Variants in SLIT2 observed in about 807,000 individuals in gnomAD.
SLIT2 encodes the protein slit guidance ligand 2.
Under a neutral mutation model 185.7 loss-of-function variants are expected in SLIT2, and 41 were observed. That is an observed-to-expected ratio of 0.22 (90% CI 0.17 to 0.29). The LOEUF (loss-of-function observed/expected upper bound fraction) is 0.29, where lower values mean the gene tolerates loss of function less well. Among genes scored for constraint, SLIT2 ranks in the 10% least tolerant of loss-of-function variants. The probability of loss-of-function intolerance (pLI) is 1.00; values close to 1 mark genes in which losing one functional copy is unlikely to be tolerated. For synonymous variants in SLIT2, 693 were observed against 680.2 expected (o/e 1.02, Z -0.29); for missense variants, 1,571 against 1,909.0 (o/e 0.82, Z 3.30).
chr4:20,480,776 C>G lies in SLIT2; in HGVS notation c.528C>G (p.Asp176Glu), dbSNP rs747850472. ...ATGGGGCATTCAGGGCTCTCCGGGA[C>G]CTGGAAGTGCTGTAAGTACTGCTAT... ...IEDGAFRALR[D>E]LEVLTLNNNN... The change falls in exon 6 of 37, where the codon GAC becomes GAG. Residue 176 changes from aspartate (D) to glutamate (E), a missense_variant. By Grantham distance (45) the Asp-to-Glu change is conservative. Coordinates refer to ENST00000504154, the MANE Select transcript of SLIT2 (RefSeq NM_004787.4). 13 of 1,611,862 alleles carry G rather than the reference C, an allele frequency of 8.1e-6. No homozygotes were observed. In the South Asian group the frequency reaches 1.1e-4, roughly 14 times the overall value.
At chr4:20,256,322 G>GGGGGC (rs201542345) in intron 1 of SLIT2, among the ~76,000 whole-genome samples, 48 of 150,308 alleles carry the variant, frequency 3.2e-4, no homozygotes, top group African/African-American at 1.1e-3. Flanking sequence ...TTTTTGGGGG[G>GGGGGC]GGTGCCTAAC....
chr4:20,401,759 T>C (rs1370485518), intron 4 of SLIT2, among the ~76,000 whole-genome samples: 1 of 151,842 alleles, frequency 6.6e-6, no homozygotes. Context: ...CGATTCTTCA[T>C]CTAAAAATGG....
chr4:20,384,428 C>T (rs543840278), intron 4 of SLIT2, among the ~76,000 whole-genome samples: 3 of 152,242 alleles, frequency 2.0e-5, no homozygotes, highest in Admixed American at 1.3e-4. Flanking sequence ...AAGAATTCTG[C>T]ATCATGACAG....
At position 20,567,521 on chromosome 4, in the gene SLIT2, C is replaced by A; in HGVS notation, c.2854C>A (p.Gln952Lys). 1 of 1,613,046 alleles carries A rather than the reference C, an allele frequency of 6.2e-7. No individual in the cohort carries two copies. The highest frequency in any genetic ancestry group is 8.5e-7 in the Non-Finnish European group (1 of 1,179,294). The change falls in exon 28 of 37, where the codon CAG becomes AAG. Residue 952 changes from glutamine to lysine, a missense_variant. Around this residue, in one of 3 missense-constraint regions of SLIT2, gnomAD observed 1,202 missense variants for 1,416.4 expected, o/e 0.85. Transcript: ENST00000504154. ...RCTCPYGFKG[Q>K]DCDVPIHACI... ...ATACTTGCCCCTTCTTCTCCAGGGG[C>A]AGGACTGTGATGTCCCAATTCATGC... is the stretch of plus-strand genomic sequence containing the variant.
At chr4:20,288,975 G>C (rs1715540900) in intron 4 of SLIT2, among the ~76,000 whole-genome samples, 1 of 152,216 alleles carries the variant, frequency 6.6e-6, no homozygotes, top group Admixed American at 6.5e-5. Flanking sequence ...CTTAGGTGAA[G>C]TTGCCAAAGA....
intron 4 of SLIT2, among the ~76,000 whole-genome samples, chr4:20,296,984 A>G (rs957261715): frequency 6.6e-6 from 1 of 152,176 alleles, no homozygotes; most frequent in Non-Finnish European, 1.5e-5. Context: ...CGCAATCGGA[A>G]GCTCTTGAGC....
intron 4 of SLIT2, among the ~76,000 whole-genome samples, chr4:20,344,165 A>G (rs1189263319): frequency 6.6e-6 from 1 of 152,194 alleles, no homozygotes; most frequent in African/African-American, 2.4e-5. Context: ...ATCCTTTTAA[A>G]TATAGTTGAA....
intron 33 of SLIT2, among the ~76,000 whole-genome samples, chr4:20,603,726 A>G (rs551957395): frequency 9.7e-4 from 148 of 152,236 alleles, no homozygotes; most frequent in African/African-American, 3.2e-3. Flanking sequence ...ACTTTCTGTC[A>G]CCTACTGTTA....
At chr4:20,613,621 C>T (rs534817774) in intron 34 of SLIT2, among the ~76,000 whole-genome samples, 3 of 152,174 alleles carry the variant, frequency 2.0e-5, no homozygotes, top group Admixed American at 6.5e-5. Flanking sequence ...TGAGTTTACC[C>T]GGTTTGTTAT....
chr4:20,411,971 A>G (rs996201757), intron 4 of SLIT2, among the ~76,000 whole-genome samples: 1 of 152,338 alleles, frequency 6.6e-6, no homozygotes, highest in Admixed American at 6.5e-5. Context: ...GTGAGGAACC[A>G]TCATTAATGT....
chr4:20,409,912 G>A (rs942004781), intron 4 of SLIT2, among the ~76,000 whole-genome samples: 10 of 151,914 alleles, frequency 6.6e-5, no homozygotes, highest in Non-Finnish European at 1.3e-4. Context: ...ACTTTTTAAT[G>A]GGGTTGTTTT....
intron 28 of SLIT2, 125 bp downstream of exon 28, chr4:20,567,740 A>C: frequency 1.4e-6 from 1 of 722,016 alleles, no homozygotes; most frequent in Non-Finnish European, 2.4e-6. Flanking sequence ...AAATGGCAAT[A>C]TGTATTGGTC....
intron 5 of SLIT2, among the ~76,000 whole-genome samples, chr4:20,480,494 T>C (rs1406704956): frequency 6.6e-6 from 1 of 152,176 alleles, no homozygotes; most frequent in Non-Finnish European, 1.5e-5. Context: ...TTACTGGAGC[T>C]TTCCAAGGGC....
intron 29 of SLIT2, among the ~76,000 whole-genome samples, chr4:20,579,713 A>G (rs1234870751): frequency 6.6e-6 from 1 of 151,952 alleles, no homozygotes; most frequent in Non-Finnish European, 1.5e-5. Flanking sequence ...ACTCTGAGAG[A>G]GTACATGTAA....
chr4:20,593,298 G>A (rs1727660892), intron 30 of SLIT2, among the ~76,000 whole-genome samples: 1 of 152,070 alleles, frequency 6.6e-6, no homozygotes, highest in African/African-American at 2.4e-5. Context: ...TGTTAAAGAT[G>A]AGGAAAATAA....
At chr4:20,575,510 C>T (rs1419344089) in intron 29 of SLIT2, among the ~76,000 whole-genome samples, 1 of 152,148 alleles carries the variant, frequency 6.6e-6, no homozygotes, top group Admixed American at 6.5e-5. Flanking sequence ...AGGATATGCA[C>T]CTTGTAAGTA....
chr4:20,536,558 C>CAAAAAA (rs35710842), intron 18 of SLIT2, among the ~76,000 whole-genome samples: 222 of 75,526 alleles, frequency 2.9e-3, no homozygotes, highest in Non-Finnish European at 3.7e-3. Context: ...AACTCTGTCG[C>CAAAAAA]AAAAAAAAAA....
rs1322183468 is a variant in SLIT2, at chr4:20,491,890, T to C, written c.905T>C (p.Ile302Thr). 1 of 1,612,846 alleles carries C rather than the reference T, an allele frequency of 6.2e-7. No individual in the cohort carries two copies. The highest frequency in any genetic ancestry group is 2.2e-5 in the East Asian group (1 of 44,860). The change falls in exon 9 of 37, where the codon ATC becomes ACC. Residue 302 changes from isoleucine to threonine, a missense_variant. Around this residue, in one of 3 missense-constraint regions of SLIT2, gnomAD observed 1,202 missense variants for 1,416.4 expected, o/e 0.85. Coordinates refer to ENST00000504154, the MANE Select transcript of SLIT2 (RefSeq NM_004787.4). ...ATCCCCACAAATCTTCCAGAGACCA[T>C]CACAGAAATGTATGTGCCTGAAATT... is the stretch of plus-strand genomic sequence containing the variant. Reference protein sequence around the residue: ...TEIPTNLPETITEIRLEQNTI... With the variant: ...TEIPTNLPETTTEIRLEQNTI...
intron 4 of SLIT2, among the ~76,000 whole-genome samples, chr4:20,440,920 T>C (rs928564504): frequency 6.6e-6 from 1 of 152,190 alleles, no homozygotes; most frequent in African/African-American, 2.4e-5. Context: ...ACAAAGCATT[T>C]TGGCCTTTAT....
Sources: allele counts gnomAD v4.1 joint callset (sites outside exome capture counted in the v4.1 genomes callset), GRCh38; gene constraint gnomAD v4.1.1; regional missense constraint gnomAD v4.1.1; transcripts MANE v1.5; gene names NCBI Gene and HGNC (gene_info 2026-07-23, HGNC 2026-07-21).